The following KIF21B variants were observed in gnomAD, a reference collection of about 807,000 sequenced individuals.
KIF21B encodes the protein kinesin-like protein KIF21B.
KIF21B carries 85 observed loss-of-function variants against 192.9 expected under a neutral mutation model. The observed-to-expected ratio is 0.44, with a 90% CI of 0.37 to 0.53. The LOEUF is 0.53. Ranked by LOEUF, KIF21B falls within the 20% of genes least tolerant of loss-of-function variation. The pLI, the probability that KIF21B is intolerant of heterozygous loss-of-function variation, is 0.00. For synonymous variants in KIF21B, 832 were observed against 884.6 expected, an observed-to-expected ratio of 0.94 and a Z score of 1.05; for missense variants, 1,716 against 2,194.8, an observed-to-expected ratio of 0.78 and a Z score of 4.36.
intron 33 of KIF21B, 33 bp from the exon 34 acceptor site, chr1:200,974,946 G>A (rs1444518195): frequency 3.1e-6 from 5 of 1,604,550 alleles, no homozygotes; most frequent in Non-Finnish European, 4.3e-6. Flanking sequence ...GAGGGCTGGG[G>A]GAGGTGATGA....
intron 32 of KIF21B, among the ~76,000 whole-genome samples, chr1:200,976,117 G>T (rs779898853): frequency 1.7e-4 from 26 of 152,146 alleles, no homozygotes; most frequent in Non-Finnish European, 1.8e-4. Flanking sequence ...TGGAGACTGA[G>T]TCTCACTCTG....
chr1:201,002,404 G>A (rs1005572168), intron 8 of KIF21B, 54 bp from the exon 9 acceptor site: 4 of 1,534,172 alleles, frequency 2.6e-6, no homozygotes, highest in African/African-American at 1.4e-5. Flanking sequence ...CGGTTGGGGG[G>A]GTAAGGGGCT....
At position 201,023,374 on chromosome 1, in the gene KIF21B, G is replaced by C; in HGVS notation, c.10C>G (p.Gln4Glu). ...GCCACCTTGACGCAGCAGTCCCCCT[G>C]GCCGGCCATGGCCCTCTGGAGCTAG... Reference protein sequence around the residue: MAGQGDCCVKVAVR... With the variant: MAGEGDCCVKVAVR... The change falls in exon 1 of 35, where the codon CAG (glutamine) becomes GAG (glutamate). Residue 4 changes from glutamine (Q) to glutamate (E), a missense_variant. Physicochemically the swap from Gln to Glu is conservative, Grantham distance 29. This residue lies in a region of KIF21B where 1,087 missense variants were observed against 1,316.6 expected (regional missense o/e 0.83). Transcript: ENST00000461742. This position sits in a 1 kb window ranked among gnomAD's most constrained non-coding sequence, Gnocchi z 5.9. 1 of 1,526,972 alleles carries C rather than the reference G, an allele frequency of 6.5e-7. No individual in the cohort carries two copies. The highest frequency in any genetic ancestry group is 8.8e-7 in the Non-Finnish European group (1 of 1,139,554). The allele number at this position is 1,526,972 out of a possible 1,614,324, so 94.6% of individuals were successfully genotyped here.
rs1205200390 is a variant in KIF21B, at chr1:200,969,783, G to C, written c.*3738C>G. 6.6e-6 allele frequency: 1 copy of C among 152,434 alleles called. No homozygotes were observed. The highest frequency in any genetic ancestry group is 2.4e-5 in the African/African-American group (1 of 41,450). The allele number at this position is 152,434 out of a possible 1,614,324, so 9.4% of individuals were successfully genotyped here. ...TCATGAGTGCTGGGGATGGGGCAGGGGACAGAACAAAGGTATCAAAGAAGA... is the reference window on the plus strand; with the variant it reads ...TCATGAGTGCTGGGGATGGGGCAGGCGACAGAACAAAGGTATCAAAGAAGA... On this transcript the variant is annotated 3_prime_UTR_variant, in exon 35 of 35. Coordinates refer to ENST00000461742, the MANE Select transcript of KIF21B (RefSeq NM_001252102.2).
In KIF21B at chr1:200,992,368, G is replaced by T; in HGVS notation, c.2299C>A (p.Arg767Ser). The T allele has an allele frequency of 6.2e-7, 1 of 1,613,046 alleles. No homozygotes were observed. Among genetic ancestry groups the T allele is most frequent in the African/African-American group, 1.3e-5 (1 of 75,074 alleles). Residue 767 changes from arginine to serine, a missense_variant, in exon 16 of 35, where the codon CGT (arginine) becomes AGT (serine). Arg to Ser is a moderately radical substitution (Grantham distance 110). This residue lies in a region of KIF21B where 1,087 missense variants were observed against 1,316.6 expected (regional missense o/e 0.83). Coordinates refer to ENST00000461742, the MANE Select transcript of KIF21B (RefSeq NM_001252102.2). ...KAKVALMKQM[R>S]EEQQRRRLVE... is the part of the protein sequence containing the mutation. Reference sequence around the variant, plus strand: ...AGCCGCCGCCGCTGTTGCTCCTCACGCATCTGCTTCATCAGGGCCACCTGG... The same window carrying T: ...AGCCGCCGCCGCTGTTGCTCCTCACTCATCTGCTTCATCAGGGCCACCTGG...
rs1164792799 is a variant in KIF21B at position 201,009,443 on chromosome 1, G to T, written c.87C>A (p.Ile29=). ...GCTCTCCCGGGGTAACAGAGGTACA[G>T]ATGTGACAGCCCTCAATCTTCTCCT... ...LSKEKIEGCH[I]CTSVTPGEPQ... The change falls in exon 2 of 35, where the codon ATC becomes ATA. Residue 29 remains isoleucine, a synonymous_variant. Transcript: ENST00000461742. The T allele has an allele frequency of 6.2e-7, 1 of 1,614,232 alleles. No homozygotes were observed. The highest frequency in any genetic ancestry group is 1.7e-5 in the Admixed American group (1 of 60,034).
intron 1 of KIF21B, among the ~76,000 whole-genome samples, chr1:201,020,084 T>C (rs1039957518): frequency 4.6e-5 from 7 of 151,904 alleles, no homozygotes; most frequent in Admixed American, 3.3e-4. Context: ...TATCAACAGA[T>C]GGATGCTGGG....
chr1:200,982,055 G>T lies in KIF21B; in HGVS notation c.3843-959C>A, dbSNP rs185749677. ...AAATGATCAAGGTTTTGCCTGTGGC[G>T]CTTCTGGCACAGCTCCCCCCAGACT... On this transcript the variant is annotated intron_variant, in intron 28 of 34. Transcript: ENST00000461742. The surrounding 1 kb of genome is among the most constrained non-coding windows in gnomAD (Gnocchi z 4.7). Among the ~76,000 whole-genome samples, 3 of 152,110 alleles carry T rather than the reference G, an allele frequency of 2.0e-5. No individual in the cohort carries two copies. The highest frequency in any genetic ancestry group is 4.4e-5 in the Non-Finnish European group (3 of 68,016).
In KIF21B at chr1:200,975,848, A is replaced by C. The variant is rs1655515594; in HGVS notation, c.4444-179T>G. Among the ~76,000 whole-genome samples, 3 of 152,096 alleles carry C rather than the reference A, an allele frequency of 2.0e-5. No individual in the cohort carries two copies. In the South Asian group the frequency reaches 6.2e-4, roughly 32 times the overall value. ...TCCTGGAGGTGGGGCTGCTCCTTCT[A>C]AGGGACTGGGAACACGGAAGGTTCA... On this transcript the variant is annotated intron_variant, in intron 32 of 34. Coordinates refer to ENST00000461742, the MANE Select transcript of KIF21B (RefSeq NM_001252102.2). This position sits in a 1 kb window ranked among gnomAD's most constrained non-coding sequence, Gnocchi z 4.3.
Position 201,023,211 on chromosome 1 carries a change from C to A in KIF21B, c.41+132G>T, listed in dbSNP as rs978009247. 2 of 707,488 alleles carry A rather than the reference C, an allele frequency of 2.8e-6. No homozygotes were observed. The highest frequency in any genetic ancestry group is 4.2e-6 in the Non-Finnish European group (2 of 480,704). The allele number at this position is 707,488 out of a possible 1,614,324, so 43.8% of individuals were successfully genotyped here. A position where few individuals can be genotyped will look rare whatever the true frequency, so the allele number is the denominator to read the frequency against. ...GGCCAGCGCGCGGCGCCCTCCATCC[C>A]GTCCCACGCCGGCCCCTCCTCCGGG... On this transcript the variant is annotated intron_variant, in intron 1 of 34. Coordinates refer to ENST00000461742, the MANE Select transcript of KIF21B (RefSeq NM_001252102.2). The surrounding 1 kb of genome is among the most constrained non-coding windows in gnomAD (Gnocchi z 5.9).
chr1:201,007,589 GAC>G (rs1657969601), intron 3 of KIF21B, among the ~76,000 whole-genome samples: 2 of 124,986 alleles, frequency 1.6e-5, no homozygotes, highest in Non-Finnish European at 3.4e-5. Context: ...CACACACATA[GAC>G]ACAGAGACAC....
chr1:200,997,174 C>T (rs960191236), intron 14 of KIF21B, among the ~76,000 whole-genome samples: 4 of 152,164 alleles, frequency 2.6e-5, no homozygotes, highest in Admixed American at 6.5e-5. Flanking sequence ...TTTGGTATCA[C>T]GTAGCTCTCT....
intron 24 of KIF21B, among the ~76,000 whole-genome samples, chr1:200,987,679 A>G (rs897921039): frequency 1.3e-5 from 2 of 152,250 alleles, no homozygotes; most frequent in Non-Finnish European, 2.9e-5. Flanking sequence ...AGCAACTGAA[A>G]TGGTTTCACG....
intron 2 of KIF21B, 70 bp from the exon 3 acceptor site, chr1:201,009,021 C>T: frequency 6.6e-7 from 1 of 1,507,988 alleles, no homozygotes; most frequent in Non-Finnish European, 8.9e-7. Context: ...TGTACCTGGG[C>T]CAAATCCCCT....
At chr1:201,021,885 A>AC (rs1198286508) in intron 1 of KIF21B, among the ~76,000 whole-genome samples, 1 of 148,240 alleles carries the variant, frequency 6.7e-6, no homozygotes. Flanking sequence ...TCTCACTCCC[A>AC]CCCCCCAGCC....
At chr1:200,989,895 G>A in intron 21 of KIF21B, 47 bp downstream of exon 21, 1 of 1,442,222 alleles carries the variant, frequency 6.9e-7, no homozygotes, top group Non-Finnish European at 9.7e-7. Flanking sequence ...TATCACAGAG[G>A]CATCTGTGCC....
intron 3 of KIF21B, among the ~76,000 whole-genome samples, chr1:201,007,203 CACACACACACAGAGACAGACACACACAG>C (rs1481252340): frequency 5.5e-4 from 82 of 148,638 alleles, no homozygotes; most frequent in African/African-American, 1.8e-3. Context: ...CACACAGACA[CACACACACACAGAGACAGACACACACAG>C]ACACACACAC....
intron 6 of KIF21B, 119 bp downstream of exon 6, chr1:201,004,647 G>T: frequency 1.5e-6 from 2 of 1,333,358 alleles, no homozygotes; most frequent in Non-Finnish European, 1.1e-6. Context: ...GCCTGAGAGT[G>T]AAGGGCTAAT....
chr1:200,993,153 G>GCGGC (rs1222467705), intron 15 of KIF21B, among the ~76,000 whole-genome samples: 1 of 152,222 alleles, frequency 6.6e-6, no homozygotes, highest in African/African-American at 2.4e-5. Flanking sequence ...CACCATTAGT[G>GCGGC]CGGCCGGAGG....
Sources: allele counts gnomAD v4.1 joint callset (sites outside exome capture counted in the v4.1 genomes callset), GRCh38; gene constraint gnomAD v4.1.1; regional missense constraint gnomAD v4.1.1; non-coding constraint Gnocchi (gnomAD v3.1); transcripts MANE v1.5; gene names NCBI Gene and HGNC (gene_info 2026-07-23, HGNC 2026-07-21).